Variants in COL14A1 observed in about 807,000 individuals in gnomAD.
COL14A1 encodes collagen type XIV alpha 1 chain, also known as collagen alpha-1(XIV) chain.
COL14A1 carries 136 observed loss-of-function variants against 230.3 expected under a neutral mutation model. The observed-to-expected ratio is 0.59, with a 90% CI of 0.51 to 0.68. The LOEUF (loss-of-function observed/expected upper bound fraction) is 0.68. COL14A1 is among the 30% of genes least tolerant of loss of function. The probability of loss-of-function intolerance (pLI) is 0.00; values close to 1 mark genes in which losing one functional copy is unlikely to be tolerated. For synonymous variants in COL14A1, 792 were observed against 784.1 expected, an observed-to-expected ratio of 1.01 and a Z score of -0.17; for missense variants, 1,976 against 2,215.8, an observed-to-expected ratio of 0.89 and a Z score of 2.17.
intron 34 of COL14A1, among the ~76,000 whole-genome samples, chr8:120,292,958 A>T (rs1820417713): frequency 6.6e-6 from 1 of 152,120 alleles, no homozygotes. Context: ...AGGCAGTAAC[A>T]GTCTCTACTG....
At chr8:120,228,245 G>A (rs1048095152) in intron 17 of COL14A1, among the ~76,000 whole-genome samples, 2 of 152,178 alleles carry the variant, frequency 1.3e-5, no homozygotes, top group African/African-American at 4.8e-5. Context: ...TCTGGGAAGA[G>A]CACCACATCT....
intron 19 of COL14A1, among the ~76,000 whole-genome samples, chr8:120,239,486 T>C (rs1818550679): frequency 6.6e-6 from 1 of 152,152 alleles, no homozygotes; most frequent in African/African-American, 2.4e-5. Flanking sequence ...TTCTGGCTGA[T>C]GGAGGAAATA....
intron 25 of COL14A1, 45 bp from the exon 26 acceptor site, chr8:120,269,990 A>G: frequency 6.2e-7 from 1 of 1,604,618 alleles, no homozygotes; most frequent in Non-Finnish European, 8.5e-7. Flanking sequence ...ATAACTACTA[A>G]CTTTTCCCCT....
intron 26 of COL14A1, among the ~76,000 whole-genome samples, chr8:120,274,727 A>G (rs982039420): frequency 7.3e-5 from 11 of 151,700 alleles, no homozygotes; most frequent in Admixed American, 2.0e-4. Flanking sequence ...AATCAAGAAC[A>G]TAATCACTTT....
intron 2 of COL14A1, among the ~76,000 whole-genome samples, chr8:120,153,473 C>A (rs183556138): frequency 6.6e-6 from 1 of 152,178 alleles, no homozygotes; most frequent in Non-Finnish European, 1.5e-5. Context: ...ACATGAGCCA[C>A]TGTACCCCGC....
At chr8:120,205,592 G>T (rs1817402171) in intron 9 of COL14A1, among the ~76,000 whole-genome samples, 1 of 152,122 alleles carries the variant, frequency 6.6e-6, no homozygotes, top group Non-Finnish European at 1.5e-5. Flanking sequence ...TAACCAGTGT[G>T]AAATGGTTCT....
intron 5 of COL14A1, among the ~76,000 whole-genome samples, chr8:120,194,019 C>T (rs569927842): frequency 2.0e-4 from 31 of 152,320 alleles, no homozygotes; most frequent in Admixed American, 1.1e-3. Context: ...GGCAATGCCT[C>T]GCCCTGCTTC....
At chr8:120,202,989 A>AATATATATATATATATATAT (rs201356550) in intron 8 of COL14A1, among the ~76,000 whole-genome samples, 1,084 of 106,244 alleles carry the variant, frequency 0.01, 22 homozygotes, top group Non-Finnish European at 0.014. Context: ...AATAATTTCA[A>AATATATATATATATATATAT]ATATATATAT....
chr8:120,239,723 A>ATT (rs10626830), intron 19 of COL14A1, among the ~76,000 whole-genome samples: 13,550 of 151,406 alleles, frequency 0.089, 1,207 homozygotes, highest in East Asian at 0.4. Flanking sequence ...ATAAGTTGTG[A>ATT]TTTTTTTTTC....
At chr8:120,197,675 T>C in intron 6 of COL14A1, 136 bp from the exon 7 acceptor site, 2 of 789,128 alleles carry the variant, frequency 2.5e-6, no homozygotes, top group Middle Eastern at 5.0e-4. Flanking sequence ...GCAAATCTTT[T>C]TGAAAATTTA....
chr8:120,220,920 T>C (rs933583747), intron 14 of COL14A1, among the ~76,000 whole-genome samples: 1 of 152,162 alleles, frequency 6.6e-6, no homozygotes, highest in Non-Finnish European at 1.5e-5. Flanking sequence ...CTAACATTTG[T>C]TGAGTGCTTC....
intron 32 of COL14A1, among the ~76,000 whole-genome samples, chr8:120,285,346 C>G (rs995048381): frequency 6.6e-6 from 1 of 151,278 alleles, no homozygotes; most frequent in African/African-American, 2.4e-5. Context: ...TGCCTGTAGT[C>G]CCAGCTACTT....
At chr8:120,334,088 G>C (rs1821967362) in intron 42 of COL14A1, among the ~76,000 whole-genome samples, 1 of 152,160 alleles carries the variant, frequency 6.6e-6, no homozygotes, top group Admixed American at 6.5e-5. Flanking sequence ...TAGTAAACAA[G>C]ATGTAACAGA....
intron 19 of COL14A1, among the ~76,000 whole-genome samples, chr8:120,234,699 G>A (rs1210608325): frequency 6.6e-6 from 1 of 152,130 alleles, no homozygotes; most frequent in Admixed American, 6.5e-5. Flanking sequence ...TTAATGTGTT[G>A]CTGAATTCGG....
intron 36 of COL14A1, among the ~76,000 whole-genome samples, chr8:120,309,758 A>G (rs1820971259): frequency 6.6e-6 from 1 of 152,160 alleles, no homozygotes; most frequent in African/African-American, 2.4e-5. Flanking sequence ...CTAAGTAAAT[A>G]AAATCTTACC....
At chr8:120,313,265 CAGG>C (rs1380526135) in intron 37 of COL14A1, among the ~76,000 whole-genome samples, 3 of 152,122 alleles carry the variant, frequency 2.0e-5, no homozygotes, top group Non-Finnish European at 4.4e-5. Context: ...GAGGCTGAGG[CAGG>C]AGAATCACTT....
chr8:120,312,570 A>G (rs902391029), intron 37 of COL14A1, among the ~76,000 whole-genome samples: 1 of 151,916 alleles, frequency 6.6e-6, no homozygotes, highest in Non-Finnish European at 1.5e-5. Flanking sequence ...TTTCCCTTCT[A>G]CCTGATTATC....
intron 28 of COL14A1, among the ~76,000 whole-genome samples, chr8:120,278,970 A>G (rs1332545316): frequency 6.6e-6 from 1 of 152,136 alleles, no homozygotes; most frequent in Non-Finnish European, 1.5e-5. Context: ...CTATGCAGCC[A>G]TAAAAAAGAA....
At chr8:120,249,597 A>G (rs1040633308) in intron 21 of COL14A1, among the ~76,000 whole-genome samples, 24 of 152,156 alleles carry the variant, frequency 1.6e-4, no homozygotes, top group African/African-American at 5.6e-4. Flanking sequence ...AGTTGATGTC[A>G]TTTGCTCCCA....
Sources: gnomAD v4.1 joint callset for allele counts (sites outside exome capture counted in the v4.1 genomes callset) on GRCh38, gnomAD v4.1.1 for gene constraint, MANE v1.5 for transcripts, NCBI Gene and HGNC (gene_info 2026-07-23, HGNC 2026-07-21) for gene names.